KIDINS220: variants seen among roughly 807,000 people sequenced by gnomAD.
KIDINS220 encodes kinase D-interacting substrate of 220 kDa.
Under a neutral mutation model 157.6 loss-of-function variants are expected in KIDINS220, and 63 were observed. The observed-to-expected ratio is 0.40, with a 90% CI of 0.33 to 0.49. KIDINS220 has a LOEUF of 0.49. Ranked by LOEUF, KIDINS220 falls within the 20% of genes least tolerant of loss-of-function variation. The probability of loss-of-function intolerance (pLI) is 0.66; values close to 1 mark genes in which losing one functional copy is unlikely to be tolerated. For missense variants in KIDINS220, 1,772 were observed against 2,171.2 expected (o/e 0.82, Z 3.65); for synonymous variants, 732 against 783.6 (o/e 0.93, Z 1.10).
intron 24 of KIDINS220, among the ~76,000 whole-genome samples, chr2:8,749,183 A>C (rs1281839700): frequency 6.6e-6 from 1 of 152,214 alleles, no homozygotes; most frequent in Non-Finnish European, 1.5e-5. Flanking sequence ...CATTTTTCAA[A>C]AACTGAAAGT....
intron 1 of KIDINS220, among the ~76,000 whole-genome samples, chr2:8,831,984 A>G (rs1190144251): frequency 6.6e-6 from 1 of 152,350 alleles, no homozygotes; most frequent in East Asian, 1.9e-4. Context: ...CTGCTTCTTT[A>G]TCAATTACAG....
At chr2:8,795,296 T>C (rs1322440704) in intron 11 of KIDINS220, among the ~76,000 whole-genome samples, 1 of 152,212 alleles carries the variant, frequency 6.6e-6, no homozygotes, top group African/African-American at 2.4e-5. Flanking sequence ...CCCAATTTCA[T>C]CTTATTTTCC....
chr2:8,828,793 C>T (rs1679198076), intron 1 of KIDINS220, among the ~76,000 whole-genome samples: 1 of 152,188 alleles, frequency 6.6e-6, no homozygotes, highest in South Asian at 2.1e-4. Flanking sequence ...TTCCTCCACC[C>T]TTGAACAGGA....
In KIDINS220 at chr2:8,730,692, T is replaced by A. The variant is rs1338037295; in HGVS notation, c.*28A>T. 6.2e-7 allele frequency: 1 copy of A among 1,600,992 alleles called. No individual in the cohort carries two copies. The highest frequency in any genetic ancestry group is 1.7e-5 in the Admixed American group (1 of 58,986). On this transcript the variant is annotated 3_prime_UTR_variant, in exon 30 of 30. Coordinates refer to ENST00000256707, the MANE Select transcript of KIDINS220 (RefSeq NM_020738.4). ...GGACAATTCTGTCATAAAGGTACAG[T>A]AACACTCTTCTCCTTTGCTTGTTTT... is the stretch of plus-strand genomic sequence containing the variant.
chr2:8,764,415 G>A (rs1461832040), intron 22 of KIDINS220, among the ~76,000 whole-genome samples: 5 of 152,012 alleles, frequency 3.3e-5, no homozygotes, highest in Non-Finnish European at 7.4e-5. Flanking sequence ...AAAAAACACA[G>A]AGCAACTCCA....
Position 8,751,659 on chromosome 2 carries a change from T to C in KIDINS220, c.3012-15A>G, listed in dbSNP as rs1237218953. On this transcript the variant is annotated splice_polypyrimidine_tract_variant and intron_variant, in intron 22 of 29. Coordinates refer to ENST00000256707, the MANE Select transcript of KIDINS220 (RefSeq NM_020738.4). ...TCTTTGATATTCTTCAAATAAGAAA[T>C]CAATGAAAAAGGTTATTAATGTCAC... The C allele has an allele frequency of 1.9e-6, 3 of 1,551,432 alleles. No homozygotes were observed. The highest frequency in any genetic ancestry group is 2.6e-6 in the Non-Finnish European group (3 of 1,136,368).
At position 8,802,970 on chromosome 2, in the gene KIDINS220, T is replaced by C; in HGVS notation, c.761A>G (p.Asp254Gly). The change falls in exon 8 of 30, where the codon GAT becomes GGT. Residue 254 changes from aspartate (D) to glycine (G), a missense_variant. By Grantham distance (94) the Asp-to-Gly change is moderately conservative (BLOSUM62 -1). Transcript: ENST00000256707. ...SKEGHTEIVQDLLDAGTYVNI... is the reference protein window; with the variant it reads ...SKEGHTEIVQGLLDAGTYVNI... ...CACATATGTTCCAGCGTCGAGCAGATCCTGCACAATCTCCGTATGTCCCTC... is the reference window on the plus strand; with the variant it reads ...CACATATGTTCCAGCGTCGAGCAGACCCTGCACAATCTCCGTATGTCCCTC... 1 of 1,613,970 alleles carries C rather than the reference T, an allele frequency of 6.2e-7. No individual in the cohort carries two copies. Among genetic ancestry groups the C allele is most frequent in the Non-Finnish European group, 8.5e-7 (1 of 1,179,980 alleles).
chr2:8,753,536 A>T (rs1156807060), intron 22 of KIDINS220, among the ~76,000 whole-genome samples: 1 of 152,216 alleles, frequency 6.6e-6, no homozygotes, highest in Non-Finnish European at 1.5e-5. Flanking sequence ...CAATTTAAAT[A>T]TGGCAGTTTA....
intron 17 of KIDINS220, 115 bp downstream of exon 17, chr2:8,785,626 T>C (rs1173600274): frequency 3.3e-6 from 3 of 912,014 alleles, no homozygotes; most frequent in Non-Finnish European, 5.0e-6. Context: ...CAAATTAAAC[T>C]AAAATAAATG....
chr2:8,832,963 T>G (rs1679870890), intron 1 of KIDINS220, among the ~76,000 whole-genome samples: 1 of 152,218 alleles, frequency 6.6e-6, no homozygotes, highest in Non-Finnish European at 1.5e-5. Context: ...TTGGATTACA[T>G]GCATAGGATG....
chr2:8,753,066 G>A (rs1248313484), intron 22 of KIDINS220, among the ~76,000 whole-genome samples: 1 of 152,116 alleles, frequency 6.6e-6, no homozygotes, highest in Non-Finnish European at 1.5e-5. Flanking sequence ...ATCTAAGGCA[G>A]TAAGCAAGAA....
chr2:8,779,102 A>T lies in KIDINS220; in HGVS notation c.2408T>A (p.Ile803Asn). Residue 803 changes from isoleucine (I) to asparagine (N), a missense_variant, in exon 19 of 30, where the codon ATT becomes AAT. By Grantham distance (149) the Ile-to-Asn change is moderately radical (BLOSUM62 -3). Around this residue, in one of 3 missense-constraint regions of KIDINS220, gnomAD observed 725 missense variants for 1,017.1 expected, o/e 0.71. Transcript: ENST00000256707. ...VLFSKGPFIA[I>N]FASDPHIIIK... is the part of the protein sequence containing the mutation. ...GATAATATGTGGATCACTTGCAAAAATGGCAATGAACGGGCCTTTTGAAAA... is the reference window on the plus strand; with the variant it reads ...GATAATATGTGGATCACTTGCAAAATTGGCAATGAACGGGCCTTTTGAAAA... The T allele has an allele frequency of 7.4e-6, 12 of 1,613,960 alleles. No individual in the cohort carries two copies. Among genetic ancestry groups the T allele is most frequent in the Non-Finnish European group, 1.0e-5 (12 of 1,180,022 alleles).
In KIDINS220 at chr2:8,807,660, G is replaced by A. The variant is rs182520091; in HGVS notation, c.505-1291C>T. 3.0e-3 allele frequency among the ~76,000 whole-genome samples: 451 copies of A among 152,250 alleles called. 2 individuals carry two copies. The highest frequency in any genetic ancestry group is 4.8e-3 in the Non-Finnish European group (329 of 68,022). On this transcript the variant is annotated intron_variant, in intron 6 of 29. Transcript: ENST00000256707. ...GCAACCAACCACACTGTTGAGGGCTGGAGCCCTGGACAGGCTTCCCAGATG... is the reference window on the plus strand; with the variant it reads ...GCAACCAACCACACTGTTGAGGGCTAGAGCCCTGGACAGGCTTCCCAGATG...
chr2:8,780,716 T>G (rs1004008900), intron 17 of KIDINS220, among the ~76,000 whole-genome samples: 2 of 151,782 alleles, frequency 1.3e-5, no homozygotes, highest in Non-Finnish European at 2.9e-5. Flanking sequence ...TGGGCTTGGA[T>G]TAGTTATAAA....
chr2:8,731,317 T>C lies in KIDINS220; in HGVS notation c.4719A>G (p.Leu1573=), dbSNP rs1218711255. 6.2e-7 allele frequency: 1 copy of C among 1,614,224 alleles called. No homozygotes were observed. Among genetic ancestry groups the C allele is most frequent in the East Asian group, 2.2e-5 (1 of 44,888 alleles). Residue 1573 remains leucine (L), a synonymous_variant, in exon 30 of 30, where the codon TTA becomes TTG. Coordinates refer to ENST00000256707, the MANE Select transcript of KIDINS220 (RefSeq NM_020738.4). The surrounding 1 kb of genome is among the most constrained non-coding windows in gnomAD (Gnocchi z 5.2). ...IRTFIKAKEY[L]SDALLDKKDS... is the part of the protein sequence containing the mutation. ...CCTTTTTGTCAAGGAGCGCATCCGA[T>C]AAATACTCTTTGGCTTTAATGAAGG...
chr2:8,827,184 A>G lies in KIDINS220; in HGVS notation c.-36-55T>C, dbSNP rs561093746. Reference sequence around the variant, plus strand: ...TATAATTAGAAAAAATTAAGTTACTATTAAATACAATATCCTTCTTAACAT... The same window carrying G: ...TATAATTAGAAAAAATTAAGTTACTGTTAAATACAATATCCTTCTTAACAT... On this transcript the variant is annotated intron_variant, in intron 1 of 29. Transcript: ENST00000256707. 41 of 664,986 alleles carry G rather than the reference A, an allele frequency of 6.2e-5. No individual in the cohort carries two copies. The African/African-American group carries it at 6.3e-4, about 10-fold the overall frequency. 41.2% of individuals were successfully genotyped at this position (664,986 alleles called of 1,614,324 possible). A position where few individuals can be genotyped will look rare whatever the true frequency, so the allele number is the denominator to read the frequency against.
chr2:8,832,638 G>T (rs1572852518), intron 1 of KIDINS220, among the ~76,000 whole-genome samples: 1 of 152,198 alleles, frequency 6.6e-6, no homozygotes, highest in African/African-American at 2.4e-5. Context: ...ACGCGTCTTT[G>T]TGCTATATTG....
At chr2:8,809,808 C>T (rs1676027881) in intron 6 of KIDINS220, among the ~76,000 whole-genome samples, 1 of 152,008 alleles carries the variant, frequency 6.6e-6, no homozygotes, top group African/African-American at 2.4e-5. Flanking sequence ...TTCAATCAAT[C>T]CCACCGTGTA....
chr2:8,754,696 G>A (rs1667775343), intron 22 of KIDINS220, among the ~76,000 whole-genome samples: 1 of 152,060 alleles, frequency 6.6e-6, no homozygotes. Flanking sequence ...TAATTCCTTG[G>A]CAGAAATTGC....
Sources: gnomAD v4.1 joint callset for allele counts (sites outside exome capture counted in the v4.1 genomes callset) on GRCh38, gnomAD v4.1.1 for gene constraint, gnomAD v4.1.1 regional missense constraint, Gnocchi (gnomAD v3.1) non-coding constraint, MANE v1.5 for transcripts, NCBI Gene and HGNC (gene_info 2026-07-23, HGNC 2026-07-21) for gene names.